Variants in SMOC2 observed in about 807,000 individuals in gnomAD.
SMOC2 encodes SPARC related modular calcium binding 2.
A neutral mutation model predicts 61.4 loss-of-function variants in SMOC2; 39 were observed. The ratio of observed to expected loss-of-function variants is 0.64; its 90% CI spans 0.49 to 0.83. The LOEUF (loss-of-function observed/expected upper bound fraction) is 0.83. SMOC2 is among the 40% of genes least tolerant of loss of function. The pLI is 0.00. For missense variants in SMOC2, 556 were observed against 592.9 expected (o/e 0.94, Z 0.65); for synonymous variants, 247 against 239.9 (o/e 1.03, Z -0.27).
At chr6:168,444,011 C>A (rs1781276065) in intron 1 of SMOC2, among the ~76,000 whole-genome samples, 1 of 152,204 alleles carries the variant, frequency 6.6e-6, no homozygotes, top group Non-Finnish European at 1.5e-5. Flanking sequence ...TTTGATGGTG[C>A]CCATGCCGTG....
At chr6:168,596,324 A>C (rs1158126973) in intron 7 of SMOC2, among the ~76,000 whole-genome samples, 59 of 109,292 alleles carry the variant, frequency 5.4e-4, no homozygotes, top group Middle Eastern at 6.7e-3. Context: ...GCTGGAGAGG[A>C]ATGAACAGGT....
At chr6:168,494,411 C>T (rs1348066502) in intron 1 of SMOC2, among the ~76,000 whole-genome samples, 1 of 152,190 alleles carries the variant, frequency 6.6e-6, no homozygotes, top group Admixed American at 6.5e-5. Flanking sequence ...TCTCTTCTTC[C>T]TTCTCCTCTT....
At chr6:168,582,492 G>A (rs1045794337) in intron 7 of SMOC2, among the ~76,000 whole-genome samples, 9 of 152,214 alleles carry the variant, frequency 5.9e-5, no homozygotes, top group African/African-American at 1.9e-4. Context: ...AGGTAGCAAA[G>A]GAGGCCGAGG....
intron 1 of SMOC2, among the ~76,000 whole-genome samples, chr6:168,500,274 G>A (rs1184295133): frequency 1.8e-5 from 2 of 113,590 alleles, no homozygotes; most frequent in Admixed American, 1.1e-4. Flanking sequence ...ATGACAGAGT[G>A]AAACTCTGTC....
intron 9 of SMOC2, among the ~76,000 whole-genome samples, chr6:168,613,289 C>G (rs960560114): frequency 6.6e-6 from 1 of 152,146 alleles, no homozygotes; most frequent in Non-Finnish European, 1.5e-5. Context: ...TCCACCAGCT[C>G]AGGTGAAAAC....
intron 12 of SMOC2, chr6:168,664,556 C>A: frequency 2.1e-5 from 8 of 383,114 alleles, no homozygotes; most frequent in South Asian, 1.6e-4. Context: ...AATTTGGTTC[C>A]TCCATTTTGT....
At chr6:168,478,552 C>G (rs572545391) in intron 1 of SMOC2, among the ~76,000 whole-genome samples, 1 of 152,284 alleles carries the variant, frequency 6.6e-6, no homozygotes, top group African/African-American at 2.4e-5. Context: ...CCCAGACTTG[C>G]AGCAGGTGAG....
chr6:168,601,426 G>T (rs998321518), intron 8 of SMOC2, among the ~76,000 whole-genome samples: 2 of 152,248 alleles, frequency 1.3e-5, no homozygotes, highest in African/African-American at 4.8e-5. Flanking sequence ...TGATATGGGG[G>T]ATTGGTTCAA....
chr6:168,641,658 CA>C (rs1174739690), intron 9 of SMOC2, among the ~76,000 whole-genome samples: 2 of 152,268 alleles, frequency 1.3e-5, no homozygotes, highest in East Asian at 3.9e-4. Context: ...ATGTTATGGT[CA>C]GAGGAACCTT....
intron 2 of SMOC2, among the ~76,000 whole-genome samples, chr6:168,521,743 G>A (rs1305778084): frequency 5.9e-5 from 9 of 152,184 alleles, no homozygotes; most frequent in African/African-American, 2.2e-4. Context: ...TTTGCCAGTC[G>A]TGGTGCCTGT....
chr6:168,627,233 G>A (rs1355833985), intron 9 of SMOC2, among the ~76,000 whole-genome samples: 1 of 152,186 alleles, frequency 6.6e-6, no homozygotes, highest in African/African-American at 2.4e-5. Context: ...TGACTGCAGG[G>A]TTATGCCAAA....
chr6:168,545,829 C>G (rs1284174633), intron 5 of SMOC2, among the ~76,000 whole-genome samples: 1 of 152,180 alleles, frequency 6.6e-6, no homozygotes. Context: ...TGTCCTCATT[C>G]CAAAAAATTT....
chr6:168,528,265 G>GTGT (rs1265260281), intron 4 of SMOC2, among the ~76,000 whole-genome samples: 2 of 60,828 alleles, frequency 3.3e-5, no homozygotes, highest in Non-Finnish European at 1.0e-4. Context: ...TTTCCCATTA[G>GTGT]TGTTTTTTTT....
chr6:168,575,804 C>T (rs977906962), intron 7 of SMOC2, among the ~76,000 whole-genome samples: 5 of 152,234 alleles, frequency 3.3e-5, no homozygotes, highest in Non-Finnish European at 2.9e-5. Flanking sequence ...CTGCTCCAGA[C>T]TGTCTCGGCT....
At chr6:168,609,264 C>T (rs1212894480) in intron 9 of SMOC2, among the ~76,000 whole-genome samples, 1 of 152,176 alleles carries the variant, frequency 6.6e-6, no homozygotes, top group Non-Finnish European at 1.5e-5. Flanking sequence ...TAGGAACTGT[C>T]TTTGTCTTAG....
In SMOC2 at chr6:168,509,974, C is replaced by CCA; in HGVS notation, c.145_146dup (p.Gln49HisfsTer29). The CCA allele has an allele frequency of 1.9e-6, 3 of 1,614,144 alleles. No homozygotes were observed. Among genetic ancestry groups the CCA allele is most frequent in the Non-Finnish European group, 2.5e-6 (3 of 1,180,008 alleles). ...GTAGCTTGGACTGTGCGGGTTCGCC[C>CCA]CAGAAACCTCTCTGCGCATCTGACG... On this transcript the variant is annotated frameshift_variant, in exon 2 of 13. Coordinates refer to ENST00000356284, the MANE Select transcript of SMOC2 (RefSeq NM_001166412.2). LOFTEE classifies it high-confidence loss of function.
intron 8 of SMOC2, among the ~76,000 whole-genome samples, chr6:168,607,760 C>T (rs113435698): frequency 0.01 from 623 of 61,718 alleles, 6 homozygotes; most frequent in African/African-American, 0.034. Context: ...CCTGCTCTGA[C>T]GAAACAACCC....
At chr6:168,478,545 A>C in intron 1 of SMOC2, among the ~76,000 whole-genome samples, 1 of 152,358 alleles carries the variant, frequency 6.6e-6, no homozygotes, top group South Asian at 2.1e-4. Flanking sequence ...CCTTATGCCC[A>C]GACTTGCAGC....
chr6:168,526,373 A>C lies in SMOC2; in HGVS notation c.284A>C (p.Lys95Thr). The change falls in exon 3 of 13, where the codon AAG becomes ACG. Residue 95 changes from lysine to threonine, a missense_variant. By Grantham distance (78) the Lys-to-Thr change is moderately conservative. Transcript: ENST00000356284. Reference sequence around the variant, plus strand: ...GTGTCCAGGTGTGTGGCCGAAAGGAAGTATACCCAGGAGCAAGCCCGGAAG... The same window carrying C: ...GTGTCCAGGTGTGTGGCCGAAAGGACGTATACCCAGGAGCAAGCCCGGAAG... Reference protein sequence around the residue: ...KDVSRCVAERKYTQEQARKEF... With the variant: ...KDVSRCVAERTYTQEQARKEF... 2 of 1,614,224 alleles carry C rather than the reference A, an allele frequency of 1.2e-6. No individual in the cohort carries two copies. The highest frequency in any genetic ancestry group is 1.7e-6 in the Non-Finnish European group (2 of 1,180,038).
Sources: gnomAD v4.1 joint callset for allele counts (sites outside exome capture counted in the v4.1 genomes callset) on GRCh38, gnomAD v4.1.1 for gene constraint, MANE v1.5 for transcripts, NCBI Gene and HGNC (gene_info 2026-07-23, HGNC 2026-07-21) for gene names.